Variants in CNTNAP2 observed in about 807,000 individuals in gnomAD.
The protein encoded by CNTNAP2 is contactin associated protein 2.
In CNTNAP2, 98 loss-of-function variants were observed where a neutral mutation model predicts 155.2. The ratio of observed to expected loss-of-function variants is 0.63; its 90% CI spans 0.54 to 0.75. CNTNAP2 has a LOEUF of 0.75. Ranked by LOEUF, CNTNAP2 falls within the 30% of genes least tolerant of loss-of-function variation. CNTNAP2 has a pLI of 0.00. For synonymous variants in CNTNAP2, 651 were observed against 631.2 expected (o/e 1.03, Z -0.47); for missense variants, 1,727 against 1,688.1 (o/e 1.02, Z -0.40).
At chr7:148,369,643 C>CATTATTATT (rs10694264) in intron 21 of CNTNAP2, among the ~76,000 whole-genome samples, 25,711 of 143,294 alleles carry the variant, frequency 0.18, 2,540 homozygotes, top group Non-Finnish European at 0.22. Context: ...TGTTCTTTAT[C>CATTATTATT]ATTATTATTA....
chr7:146,489,664 G>A (rs1203322646), intron 1 of CNTNAP2, among the ~76,000 whole-genome samples: 1 of 152,074 alleles, frequency 6.6e-6, no homozygotes, highest in Non-Finnish European at 1.5e-5. Flanking sequence ...CCCATGTTCG[G>A]CGATTCCCAA....
chr7:147,704,522 G>T, intron 13 of CNTNAP2: 1 of 167,250 alleles, frequency 6.0e-6, no homozygotes. Flanking sequence ...GGGGAGGACA[G>T]CTGATAGCTG....
At chr7:146,538,851 A>T (rs1420686289) in intron 1 of CNTNAP2, among the ~76,000 whole-genome samples, 1 of 152,136 alleles carries the variant, frequency 6.6e-6, no homozygotes, top group Non-Finnish European at 1.5e-5. Flanking sequence ...ATTATCATAA[A>T]AATTTATTAT....
chr7:146,863,694 G>A (rs1795147774), intron 3 of CNTNAP2, among the ~76,000 whole-genome samples: 1 of 152,016 alleles, frequency 6.6e-6, no homozygotes, highest in South Asian at 2.1e-4. Flanking sequence ...AACCTTGAAA[G>A]AATCAAAGAA....
chr7:146,466,225 A>T (rs1045488412), intron 1 of CNTNAP2, among the ~76,000 whole-genome samples: 26 of 152,186 alleles, frequency 1.7e-4, no homozygotes, highest in African/African-American at 6.3e-4. Flanking sequence ...AAGCTGATAC[A>T]AAGTGAAGGA....
intron 1 of CNTNAP2, among the ~76,000 whole-genome samples, chr7:146,177,934 C>T (rs569534396): frequency 1.3e-5 from 2 of 152,290 alleles, no homozygotes; most frequent in Admixed American, 6.5e-5. Flanking sequence ...ATTTCATGAT[C>T]GCCAAGTTTA....
At chr7:146,561,992 G>A (rs1416083681) in intron 1 of CNTNAP2, among the ~76,000 whole-genome samples, 1 of 151,958 alleles carries the variant, frequency 6.6e-6, no homozygotes, top group African/African-American at 2.4e-5. Flanking sequence ...GTTTCACAAT[G>A]TTGCCCAGGC....
chr7:148,265,283 G>T (rs900834492), intron 20 of CNTNAP2, among the ~76,000 whole-genome samples: 2 of 152,068 alleles, frequency 1.3e-5, no homozygotes, highest in Admixed American at 1.3e-4. Context: ...TTGTTTGTTT[G>T]TTTGCTTCCA....
At chr7:147,934,225 C>T (rs779558527) in intron 14 of CNTNAP2, among the ~76,000 whole-genome samples, 114 of 152,188 alleles carry the variant, frequency 7.5e-4, no homozygotes, top group East Asian at 1.9e-3. Flanking sequence ...TCCTTTTTCA[C>T]ACTGCTGATA....
chr7:146,435,013 G>C (rs1415355828), intron 1 of CNTNAP2, among the ~76,000 whole-genome samples: 1 of 152,030 alleles, frequency 6.6e-6, no homozygotes, highest in Non-Finnish European at 1.5e-5. Context: ...CAGGAGCCAT[G>C]GAAGTTTCTT....
chr7:147,743,047 T>TA (rs1187244027), intron 13 of CNTNAP2, among the ~76,000 whole-genome samples: 7 of 152,170 alleles, frequency 4.6e-5, no homozygotes, highest in African/African-American at 1.7e-4. Flanking sequence ...AAATTTATCA[T>TA]CAAAAATACT....
At chr7:148,284,829 C>T (rs762844667) in intron 21 of CNTNAP2, among the ~76,000 whole-genome samples, 1 of 152,142 alleles carries the variant, frequency 6.6e-6, no homozygotes, top group Non-Finnish European at 1.5e-5. Context: ...CAAGTCACTC[C>T]TTGTTTGAAT....
chr7:147,395,821 TC>T, intron 10 of CNTNAP2, 41 bp downstream of exon 10: 1 of 1,607,962 alleles, frequency 6.2e-7, no homozygotes. Context: ...GTCCAAACTT[TC>T]CAAACCTGTG....
intron 2 of CNTNAP2, among the ~76,000 whole-genome samples, chr7:146,793,747 C>G (rs1186112532): frequency 6.6e-6 from 1 of 152,142 alleles, no homozygotes; most frequent in African/African-American, 2.4e-5. Context: ...GGCCAGAGAC[C>G]AAGTGTGGTC....
intron 3 of CNTNAP2, among the ~76,000 whole-genome samples, chr7:146,934,157 C>T (rs1796854809): frequency 6.6e-6 from 1 of 151,874 alleles, no homozygotes; most frequent in Non-Finnish European, 1.5e-5. Flanking sequence ...TTTATTGCGG[C>T]ACTATTCACA....
At chr7:146,152,234 G>C (rs1185235887) in intron 1 of CNTNAP2, among the ~76,000 whole-genome samples, 1 of 151,908 alleles carries the variant, frequency 6.6e-6, no homozygotes, top group Non-Finnish European at 1.5e-5. Context: ...GAACCTGGAG[G>C]AAATTATGTT....
At chr7:146,814,679 A>T (rs900617297) in intron 2 of CNTNAP2, among the ~76,000 whole-genome samples, 2 of 152,246 alleles carry the variant, frequency 1.3e-5, no homozygotes, top group Non-Finnish European at 2.9e-5. Flanking sequence ...CAGTAAGTTA[A>T]GTTGATGACA....
chr7:146,670,312 G>A (rs908264432), intron 1 of CNTNAP2, among the ~76,000 whole-genome samples: 14 of 152,170 alleles, frequency 9.2e-5, no homozygotes, highest in East Asian at 1.9e-4. Flanking sequence ...GCAACTAAAC[G>A]TTGACCTAGG....
chr7:147,898,403 A>G (rs933207817), intron 13 of CNTNAP2, among the ~76,000 whole-genome samples: 4 of 152,220 alleles, frequency 2.6e-5, no homozygotes, highest in Admixed American at 6.5e-5. Context: ...GACTGTTCAC[A>G]TGGTAACTTT....
Sources: gnomAD v4.1 joint callset for allele counts (sites outside exome capture counted in the v4.1 genomes callset) on GRCh38, gnomAD v4.1.1 for gene constraint, MANE v1.5 for transcripts, NCBI Gene and HGNC (gene_info 2026-07-23, HGNC 2026-07-21) for gene names.